The following DOK6 variants were observed in gnomAD, a reference collection of about 807,000 sequenced individuals.
DOK6 encodes the protein downstream of tyrosine kinase 6.
DOK6 carries 22 observed loss-of-function variants against 44.0 expected under a neutral mutation model. That is an observed-to-expected ratio of 0.50 (90% CI 0.36 to 0.71). The LOEUF (loss-of-function observed/expected upper bound fraction) is 0.71. Among genes scored for constraint, DOK6 ranks in the 30% least tolerant of loss-of-function variants. The pLI is 0.00. For missense variants in DOK6, 340 were observed against 416.4 expected (o/e 0.82, Z 1.60); for synonymous variants, 166 against 145.5 (o/e 1.14, Z -1.01).
chr18:69,702,409 A>C (rs1986543252), intron 5 of DOK6, among the ~76,000 whole-genome samples: 1 of 152,204 alleles, frequency 6.6e-6, no homozygotes, highest in African/African-American at 2.4e-5. Context: ...ATTAACTAAA[A>C]TATAGTCAAA....
chr18:69,829,825 T>C (rs1434096782), intron 7 of DOK6, among the ~76,000 whole-genome samples: 1 of 151,832 alleles, frequency 6.6e-6, no homozygotes, highest in Non-Finnish European at 1.5e-5. Flanking sequence ...GTATTCAACT[T>C]GGAAAAAAGA....
At chr18:69,631,121 C>T (rs927187879) in intron 3 of DOK6, among the ~76,000 whole-genome samples, 9 of 151,756 alleles carry the variant, frequency 5.9e-5, no homozygotes, top group African/African-American at 1.9e-4. Context: ...AAAAAAAAAG[C>T]GGTTCTCATT....
At chr18:69,839,962 G>C (rs979264051) in intron 7 of DOK6, among the ~76,000 whole-genome samples, 1 of 152,212 alleles carries the variant, frequency 6.6e-6, no homozygotes, top group African/African-American at 2.4e-5. Context: ...TTTTCTCTCA[G>C]TATTTTGACA....
chr18:69,422,295 T>C (rs1978515700), intron 1 of DOK6, among the ~76,000 whole-genome samples: 1 of 152,238 alleles, frequency 6.6e-6, no homozygotes, highest in Admixed American at 6.5e-5. Context: ...ACAATTTTAT[T>C]AGTGCTTCTC....
intron 6 of DOK6, among the ~76,000 whole-genome samples, chr18:69,744,868 G>C (rs537459634): frequency 4.1e-5 from 6 of 147,940 alleles, no homozygotes; most frequent in Non-Finnish European, 4.5e-5. Context: ...AGAGGTTGCG[G>C]TGAGCAGAGA....
At chr18:69,731,615 T>C (rs1267388867) in intron 5 of DOK6, among the ~76,000 whole-genome samples, 2 of 151,946 alleles carry the variant, frequency 1.3e-5, no homozygotes, top group Non-Finnish European at 2.9e-5. Context: ...GGAATACGAA[T>C]ATAATTGTAA....
intron 1 of DOK6, among the ~76,000 whole-genome samples, chr18:69,512,364 A>C (rs1352198188): frequency 7.4e-5 from 8 of 108,046 alleles, no homozygotes; most frequent in African/African-American, 3.3e-4. Flanking sequence ...TTTTAGGTAG[A>C]GTCTCGCTCT....
intron 5 of DOK6, 30 bp from the exon 6 acceptor site, chr18:69,738,935 C>A (rs1371617676): frequency 1.9e-6 from 3 of 1,611,644 alleles, no homozygotes; most frequent in Non-Finnish European, 2.5e-6. Context: ...ACATGGAGAC[C>A]CATCTCTTTC....
intron 1 of DOK6, among the ~76,000 whole-genome samples, chr18:69,512,332 C>CTTTTTTTTTT (rs548031851): frequency 2.8e-4 from 26 of 91,662 alleles, no homozygotes; most frequent in South Asian, 4.4e-4. Flanking sequence ...CTTTCTTCTT[C>CTTTTTTTTTT]TTTTTTTTTT....
intron 3 of DOK6, among the ~76,000 whole-genome samples, chr18:69,670,798 G>A (rs545967891): frequency 4.5e-4 from 68 of 152,068 alleles, no homozygotes; most frequent in Non-Finnish European, 8.1e-4. Context: ...ATGAGCCACC[G>A]TGCCTGGCCT....
At chr18:69,474,329 CA>C (rs1238730650) in intron 1 of DOK6, among the ~76,000 whole-genome samples, 2 of 151,942 alleles carry the variant, frequency 1.3e-5, no homozygotes, top group Non-Finnish European at 2.9e-5. Context: ...CGTATGTGAA[CA>C]ATTATAAAAG....
chr18:69,506,812 C>T (rs1015405336), intron 1 of DOK6, among the ~76,000 whole-genome samples: 2 of 151,740 alleles, frequency 1.3e-5, no homozygotes, highest in Admixed American at 1.3e-4. Flanking sequence ...ATAAAAACTG[C>T]TAAAGTTTTC....
At chr18:69,593,226 G>A (rs1483381711) in intron 2 of DOK6, among the ~76,000 whole-genome samples, 1 of 151,962 alleles carries the variant, frequency 6.6e-6, no homozygotes, top group African/African-American at 2.4e-5. Flanking sequence ...AAAAAAATTA[G>A]TTGGGCATGG....
At chr18:69,446,034 ATT>A (rs1429678455) in intron 1 of DOK6, among the ~76,000 whole-genome samples, 2 of 148,466 alleles carry the variant, frequency 1.3e-5, no homozygotes, top group Admixed American at 1.3e-4. Context: ...TAGTATTTAT[ATT>A]TCTTTTTTTA....
At chr18:69,468,809 T>C (rs1980002609) in intron 1 of DOK6, among the ~76,000 whole-genome samples, 2 of 152,202 alleles carry the variant, frequency 1.3e-5, no homozygotes, top group Admixed American at 1.3e-4. Context: ...CAAGATGGAC[T>C]AGAGCAGAAA....
At chr18:69,573,354 A>T (rs1174578492) in intron 2 of DOK6, among the ~76,000 whole-genome samples, 5 of 151,904 alleles carry the variant, frequency 3.3e-5, no homozygotes. Context: ...AGACTTTTTA[A>T]ATTAAAGCTC....
At chr18:69,448,723 G>T (rs929254919) in intron 1 of DOK6, among the ~76,000 whole-genome samples, 7 of 152,186 alleles carry the variant, frequency 4.6e-5, no homozygotes, top group African/African-American at 1.7e-4. Context: ...CTTAATGAGA[G>T]ATTATTAATT....
chr18:69,669,679 C>A (rs1985748663), intron 3 of DOK6, among the ~76,000 whole-genome samples: 1 of 152,136 alleles, frequency 6.6e-6, no homozygotes, highest in Non-Finnish European at 1.5e-5. Context: ...CACCCCCCCG[C>A]CGACCCTCCT....
At chr18:69,813,758 C>T (rs1981314043) in intron 7 of DOK6, among the ~76,000 whole-genome samples, 8 of 151,990 alleles carry the variant, frequency 5.3e-5, no homozygotes, top group Admixed American at 5.2e-4. Context: ...GGAGCAAATA[C>T]ACAAACTAGG....
Sources: gnomAD v4.1 joint callset for allele counts (sites outside exome capture counted in the v4.1 genomes callset) on GRCh38, gnomAD v4.1.1 for gene constraint, MANE v1.5 for transcripts, NCBI Gene and HGNC (gene_info 2026-07-23, HGNC 2026-07-21) for gene names.